Variants in XIRP2 observed in about 807,000 individuals in gnomAD.
The protein encoded by XIRP2 is xin actin-binding repeat-containing protein 2.
A neutral mutation model predicts 277.0 loss-of-function variants in XIRP2; 236 were observed. The observed-to-expected ratio is 0.85, with a 90% CI of 0.77 to 0.95. XIRP2 has a LOEUF of 0.95. Among genes scored for constraint, XIRP2 ranks in the 40% least tolerant of loss-of-function variants. The pLI is 0.00. For missense variants in XIRP2, 4,640 were observed against 4,157.5 expected (o/e 1.12, Z -3.19); for synonymous variants, 1,490 against 1,416.5 (o/e 1.05, Z -1.17).
In XIRP2 at chr2:167,248,302, T is replaced by C. The variant is rs1259014808; in HGVS notation, c.6910T>C (p.Ser2304Pro). The change falls in exon 9 of 11, where the codon TCT (serine) becomes CCT (proline). Residue 2304 changes from serine (S) to proline (P), a missense_variant. Transcript: ENST00000409195. Reference protein sequence around the residue: ...PPPPPPSNASSEIEFPLPPPP... With the variant: ...PPPPPPSNASPEIEFPLPPPP... ...TCCTCCACCACCTTCTAATGCATCA[T>C]CTGAAATTGAATTTCCTCTTCCTCC... 3 of 1,613,542 alleles carry C rather than the reference T, an allele frequency of 1.9e-6. No individual in the cohort carries two copies. The African/African-American group carries it at 4.0e-5, about 22-fold the overall frequency.
chr2:166,895,685 A>T (rs1411286051), intron 1 of XIRP2, among the ~76,000 whole-genome samples: 8 of 152,174 alleles, frequency 5.3e-5, no homozygotes, highest in Admixed American at 5.2e-4. Flanking sequence ...GTATTTTAAC[A>T]TACACAGGCG....
rs759390671 is a variant in XIRP2 at position 167,248,899 on chromosome 2, A to G, written c.7507A>G (p.Thr2503Ala). ...SIDSANCLSH[T>A]VPGTSAPRKK... ...TGACTCTGCAAACTGTCTCTCACAC[A>G]CAGTTCCAGGAACTTCAGCACCCAG... Residue 2503 changes from threonine (T) to alanine (A), a missense_variant, in exon 9 of 11, where the codon ACA (threonine) becomes GCA (alanine). Physicochemically the swap from Thr to Ala is moderately conservative, Grantham distance 58 (BLOSUM62 0). Coordinates refer to ENST00000409195, the MANE Select transcript of XIRP2 (RefSeq NM_152381.6). 1.9e-6 allele frequency: 3 copies of G among 1,613,788 alleles called. No individual in the cohort carries two copies. Among genetic ancestry groups the G allele is most frequent in the Non-Finnish European group, 2.5e-6 (3 of 1,179,828 alleles).
At chr2:167,221,460 C>CAAAAAA (rs57006710) in intron 5 of XIRP2, among the ~76,000 whole-genome samples, 8 of 63,376 alleles carry the variant, frequency 1.3e-4, no homozygotes, top group Admixed American at 3.7e-4. Flanking sequence ...AACTCCATCT[C>CAAAAAA]AAAAAAAAAA....
intron 2 of XIRP2, among the ~76,000 whole-genome samples, chr2:167,128,667 A>C (rs1383210443): frequency 6.6e-6 from 1 of 152,078 alleles, no homozygotes; most frequent in Non-Finnish European, 1.5e-5. Flanking sequence ...ACCCCCACTT[A>C]ATTCACTTGC....
chr2:167,204,366 C>T (rs1693800304), intron 3 of XIRP2, among the ~76,000 whole-genome samples: 1 of 152,026 alleles, frequency 6.6e-6, no homozygotes, highest in East Asian at 1.9e-4. Context: ...TTGGCTTTTC[C>T]TTCATTTATT....
chr2:166,969,538 T>C (rs1686519291), intron 2 of XIRP2, among the ~76,000 whole-genome samples: 1 of 151,202 alleles, frequency 6.6e-6, no homozygotes. Flanking sequence ...ATAAACGATA[T>C]TACAATAAAA....
intron 2 of XIRP2, among the ~76,000 whole-genome samples, chr2:166,984,741 G>C (rs1403542934): frequency 6.6e-6 from 1 of 152,102 alleles, no homozygotes; most frequent in Non-Finnish European, 1.5e-5. Context: ...TATCAAAAAT[G>C]AATGCAAAGA....
intron 2 of XIRP2, among the ~76,000 whole-genome samples, chr2:167,102,669 A>C (rs1054784734): frequency 6.6e-6 from 1 of 152,186 alleles, no homozygotes; most frequent in Admixed American, 6.5e-5. Context: ...AATCTTCATA[A>C]AAGATCTGTC....
chr2:167,080,169 G>T (rs893998035), intron 2 of XIRP2, among the ~76,000 whole-genome samples: 2 of 152,268 alleles, frequency 1.3e-5, no homozygotes, highest in Admixed American at 6.5e-5. Flanking sequence ...GTGGTATTTA[G>T]CTATTGTGTT....
chr2:167,249,877 G>C lies in XIRP2; in HGVS notation c.8485G>C (p.Gly2829Arg). The C allele has an allele frequency of 6.2e-7, 1 of 1,613,520 alleles. No individual in the cohort carries two copies. The highest frequency in any genetic ancestry group is 8.5e-7 in the Non-Finnish European group (1 of 1,179,732). The change falls in exon 9 of 11, where the codon GGT becomes CGT. Residue 2829 changes from glycine to arginine, a missense_variant. By Grantham distance (125) the Gly-to-Arg change is moderately radical. Coordinates refer to ENST00000409195, the MANE Select transcript of XIRP2 (RefSeq NM_152381.6). Reference protein sequence around the residue: ...EEKNQGPSMIGRKEERLITER... With the variant: ...EEKNQGPSMIRRKEERLITER... Reference sequence around the variant, plus strand: ...AAAAAATCAGGGACCATCAATGATTGGTCGAAAAGAAGAGAGATTAATAAC... The same window carrying C: ...AAAAAATCAGGGACCATCAATGATTCGTCGAAAAGAAGAGAGATTAATAAC...
chr2:167,032,688 GA>G (rs1217789184), intron 2 of XIRP2, among the ~76,000 whole-genome samples: 1 of 151,942 alleles, frequency 6.6e-6, no homozygotes, highest in Non-Finnish European at 1.5e-5. Context: ...AAAAATATAT[GA>G]AAAAAAGCTC....
chr2:167,252,089 A>G (rs1330917795), intron 9 of XIRP2, 142 bp downstream of exon 9: 1 of 1,288,136 alleles, frequency 7.8e-7, no homozygotes, highest in Non-Finnish European at 1.0e-6. Context: ...ATGTATGCTT[A>G]TAGACTCTTT....
At chr2:167,128,661 C>T (rs1691283387) in intron 2 of XIRP2, among the ~76,000 whole-genome samples, 1 of 152,122 alleles carries the variant, frequency 6.6e-6, no homozygotes, top group African/African-American at 2.4e-5. Flanking sequence ...CCCGCCACCC[C>T]CACTTAATTC....
At chr2:166,939,344 C>G (rs1406862401) in intron 2 of XIRP2, among the ~76,000 whole-genome samples, 2 of 152,048 alleles carry the variant, frequency 1.3e-5, no homozygotes, top group Non-Finnish European at 2.9e-5. Flanking sequence ...TTCTCCTTCA[C>G]TTATGAAGCT....
intron 2 of XIRP2, among the ~76,000 whole-genome samples, chr2:166,918,846 C>A (rs2105355370): frequency 6.6e-6 from 1 of 152,220 alleles, no homozygotes; most frequent in African/African-American, 2.4e-5. Flanking sequence ...TCCATGTGTT[C>A]CCCTGTCTGG....
intron 2 of XIRP2, among the ~76,000 whole-genome samples, chr2:167,013,153 T>G (rs1687728396): frequency 6.6e-6 from 1 of 151,444 alleles, no homozygotes; most frequent in Non-Finnish European, 1.5e-5. Flanking sequence ...GTCAGTTATT[T>G]TCTCTTTGCC....
At chr2:167,042,384 C>T (rs1368098669) in intron 2 of XIRP2, among the ~76,000 whole-genome samples, 1 of 152,124 alleles carries the variant, frequency 6.6e-6, no homozygotes, top group Non-Finnish European at 1.5e-5. Flanking sequence ...GCTTAAAAGG[C>T]ACAGAGTGAC....
chr2:166,913,380 C>T (rs530104048), intron 2 of XIRP2, among the ~76,000 whole-genome samples: 1 of 150,538 alleles, frequency 6.6e-6, no homozygotes, highest in South Asian at 2.1e-4. Flanking sequence ...ATGAGTGAGG[C>T]TCCGTGGGCG....
In XIRP2 at chr2:167,179,280, C is replaced by A. The variant is rs1341878034; in HGVS notation, c.563-31455C>A. Among the ~76,000 whole-genome samples the A allele has an allele frequency of 2.0e-5, 3 of 150,646 alleles. No homozygotes were observed. In the East Asian group the frequency reaches 5.8e-4, roughly 29 times the overall value. On this transcript the variant is annotated intron_variant, in intron 3 of 10. Transcript: ENST00000409195. ...TGTGAGCTTGCAGATATATTTTAGTCGCTTCCCCAGTGAGGACACATTAAT... is the reference window on the plus strand; with the variant it reads ...TGTGAGCTTGCAGATATATTTTAGTAGCTTCCCCAGTGAGGACACATTAAT...
Sources: gnomAD v4.1 joint callset for allele counts (sites outside exome capture counted in the v4.1 genomes callset) on GRCh38, gnomAD v4.1.1 for gene constraint, MANE v1.5 for transcripts, NCBI Gene and HGNC (gene_info 2026-07-23, HGNC 2026-07-21) for gene names.